The following ANO6 variants were observed in gnomAD, a reference collection of about 807,000 sequenced individuals.
ANO6 encodes anoctamin 6, also known as anoctamin-6.
ANO6 carries 106 observed loss-of-function variants against 117.5 expected under a neutral mutation model. That is an observed-to-expected ratio of 0.90 (90% CI 0.77 to 1.06). The LOEUF is 1.06. ANO6 is among the 50% of genes least tolerant of loss of function. The probability of loss-of-function intolerance (pLI) is 0.00; values close to 1 mark genes in which losing one functional copy is unlikely to be tolerated. For synonymous variants in ANO6, 367 were observed against 385.1 expected (o/e 0.95, Z 0.55); for missense variants, 955 against 1,121.1 (o/e 0.85, Z 2.12).
intron 12 of ANO6, among the ~76,000 whole-genome samples, chr12:45,392,280 T>C (rs889381463): frequency 2.0e-5 from 3 of 152,116 alleles, no homozygotes; most frequent in Non-Finnish European, 4.4e-5. Context: ...ATCTGCGAGG[T>C]GGCAGCCTAG....
intron 2 of ANO6, among the ~76,000 whole-genome samples, chr12:45,311,852 AAG>A (rs537000589): frequency 6.6e-6 from 1 of 152,048 alleles, no homozygotes; most frequent in Non-Finnish European, 1.5e-5. Context: ...AATGAGGGAA[AAG>A]AGGTTTCTGT....
At chr12:45,265,060 G>A (rs189029587) in intron 1 of ANO6, among the ~76,000 whole-genome samples, 445 of 152,158 alleles carry the variant, frequency 2.9e-3, no homozygotes, top group Non-Finnish European at 4.6e-3. Context: ...TTTTATGTTG[G>A]CAATTCCATT....
chr12:45,434,577 A>G (rs1368572864), downstream of ANO6, among the ~76,000 whole-genome samples: 3 of 152,220 alleles, frequency 2.0e-5, no homozygotes, highest in African/African-American at 4.8e-5. Context: ...CTGGGATAGA[A>G]GAGGAAGGAG....
At chr12:45,401,557 C>G (rs572623872) in intron 12 of ANO6, among the ~76,000 whole-genome samples, 2 of 152,284 alleles carry the variant, frequency 1.3e-5, no homozygotes, top group East Asian at 3.9e-4. Context: ...CCACCCCCTG[C>G]ACCCAGTTTC....
At chr12:45,364,749 C>T (rs11183005) in intron 8 of ANO6, among the ~76,000 whole-genome samples, 8,358 of 152,222 alleles carry the variant, frequency 0.055, 476 homozygotes, top group East Asian at 0.32. Flanking sequence ...AAAAAGACTT[C>T]ATCTAATAAA....
In ANO6 at chr12:45,367,707, G is replaced by C. The variant is rs1941722680; in HGVS notation, c.1018G>C (p.Asp340His). 2 of 1,613,068 alleles carry C rather than the reference G, an allele frequency of 1.2e-6. No homozygotes were observed. The highest frequency in any genetic ancestry group is 4.5e-5 in the East Asian group (2 of 44,768). ...TTTTAGCAAAGAAGTTTGTCATCCT[G>C]ATATTGGTGGCAAGATCATAATGTG... ...CTWSKEVCHP[D>H]IGGKIIMCPQ... is the part of the protein sequence containing the mutation. The change falls in exon 9 of 20, where the codon GAT becomes CAT. Residue 340 changes from aspartate (D) to histidine (H), a missense_variant. Coordinates refer to ENST00000320560, the MANE Select transcript of ANO6 (RefSeq NM_001025356.3).
chr12:45,293,187 T>C (rs949887174), intron 1 of ANO6, among the ~76,000 whole-genome samples: 2 of 152,262 alleles, frequency 1.3e-5, no homozygotes, highest in African/African-American at 4.8e-5. Flanking sequence ...GTAACTGTAC[T>C]GGAGTGACAA....
At chr12:45,416,654 T>C in intron 16 of ANO6, 45 bp from the exon 17 acceptor site, 2 of 1,592,752 alleles carry the variant, frequency 1.3e-6, no homozygotes, top group Non-Finnish European at 1.7e-6. Context: ...TATGTTGTCC[T>C]TCCATCCACC....
intron 1 of ANO6, among the ~76,000 whole-genome samples, chr12:45,258,454 A>G (rs1223618752): frequency 1.4e-5 from 1 of 70,158 alleles, no homozygotes; most frequent in Admixed American, 1.8e-4. Flanking sequence ...AGGGAGAAAA[A>G]ATCTTTCAGT....
chr12:45,264,232 G>C (rs1167615913), intron 1 of ANO6, among the ~76,000 whole-genome samples: 1 of 152,144 alleles, frequency 6.6e-6, no homozygotes, highest in Admixed American at 6.5e-5. Context: ...CTGATTTTGT[G>C]CTCTGCTCTT....
At chr12:45,399,613 T>C (rs556737045) in intron 12 of ANO6, among the ~76,000 whole-genome samples, 1 of 152,248 alleles carries the variant, frequency 6.6e-6, no homozygotes, top group East Asian at 1.9e-4. Flanking sequence ...AATCCCTGGA[T>C]CAGTTGCTGA....
intron 8 of ANO6, among the ~76,000 whole-genome samples, chr12:45,362,650 A>G (rs1941584860): frequency 6.6e-6 from 1 of 151,846 alleles, no homozygotes; most frequent in South Asian, 2.1e-4. Context: ...TGTTAAATAG[A>G]TATTTCTAGT....
Position 45,221,904 on chromosome 12 carries a change from C to T in ANO6, c.70+5513C>T, listed in dbSNP as rs554310078. ...TTTTTTTTTTTTTTTTTTTGGGAGA[C>T]GTTGTCTTGCTCTGTTGCCCAGGCT... is the stretch of plus-strand genomic sequence containing the variant. On this transcript the variant is annotated intron_variant, in intron 1 of 19. Transcript: ENST00000320560. Among the ~76,000 whole-genome samples the T allele has an allele frequency of 7.7e-4, 104 of 135,594 alleles. 2 individuals are homozygous for T. The South Asian group carries it at 0.022, about 29-fold the overall frequency. The allele number at this position is 135,594 out of a possible 152,430, so 89.0% of individuals were successfully genotyped here.
chr12:45,359,159 C>T (rs1031321906), intron 8 of ANO6, among the ~76,000 whole-genome samples: 3 of 152,172 alleles, frequency 2.0e-5, no homozygotes, highest in African/African-American at 7.2e-5. Context: ...TTTTAAAGTG[C>T]ACAATTTAGG....
chr12:45,322,552 T>C (rs1262288633), intron 2 of ANO6, among the ~76,000 whole-genome samples: 3 of 152,154 alleles, frequency 2.0e-5, no homozygotes, highest in Non-Finnish European at 4.4e-5. Context: ...GCTGAGCATA[T>C]TGGTTTAGGA....
intron 1 of ANO6, among the ~76,000 whole-genome samples, chr12:45,275,250 G>A (rs541199611): frequency 1.1e-4 from 17 of 151,840 alleles, no homozygotes; most frequent in Non-Finnish European, 1.9e-4. Flanking sequence ...TTGCTCTGTC[G>A]CCCAGGCTGG....
At chr12:45,245,437 T>C (rs1209035016) in intron 1 of ANO6, among the ~76,000 whole-genome samples, 1 of 151,096 alleles carries the variant, frequency 6.6e-6, no homozygotes, top group Non-Finnish European at 1.5e-5. Context: ...TTTTTTTTTT[T>C]GTGGGGAGAC....
intron 1 of ANO6, among the ~76,000 whole-genome samples, chr12:45,298,667 G>T (rs1180563922): frequency 1.3e-5 from 2 of 152,062 alleles, no homozygotes; most frequent in African/African-American, 4.8e-5. Context: ...TCTTTGTATT[G>T]ACATTAACCA....
At chr12:45,291,284 T>C (rs1939085407) in intron 1 of ANO6, among the ~76,000 whole-genome samples, 1 of 141,680 alleles carries the variant, frequency 7.1e-6, no homozygotes, top group African/African-American at 2.7e-5. Context: ...AGGCGGAGGT[T>C]GCGGTGAGCC....
Sources: allele counts gnomAD v4.1 joint callset (sites outside exome capture counted in the v4.1 genomes callset), GRCh38; gene constraint gnomAD v4.1.1; transcripts MANE v1.5; gene names NCBI Gene and HGNC (gene_info 2026-07-23, HGNC 2026-07-21).